Variants in ATP10B observed in about 807,000 individuals in gnomAD.
ATP10B encodes the protein phospholipid-transporting ATPase VB.
In ATP10B, 122 loss-of-function variants were observed where a neutral mutation model predicts 141.2. The observed-to-expected ratio is 0.86, with a 90% CI of 0.75 to 1.00. ATP10B has a LOEUF of 1.00. Ranked by LOEUF, ATP10B falls within the 50% of genes least tolerant of loss-of-function variation. The pLI, the probability that ATP10B is intolerant of heterozygous loss-of-function variation, is 0.00. For synonymous variants in ATP10B, 685 were observed against 692.0 expected, an observed-to-expected ratio of 0.99 and a Z score of 0.16; for missense variants, 1,876 against 1,825.3, an observed-to-expected ratio of 1.03 and a Z score of -0.51.
At chr5:160,653,026 TTATA>T (rs1206604845) in intron 7 of ATP10B, among the ~76,000 whole-genome samples, 18 of 107,322 alleles carry the variant, frequency 1.7e-4, no homozygotes, top group African/African-American at 5.2e-4. Flanking sequence ...TATTATATAT[TTATA>T]TATTTATATT....
intron 1 of ATP10B, among the ~76,000 whole-genome samples, chr5:160,826,829 C>T (rs1408377085): frequency 6.6e-6 from 1 of 152,044 alleles, no homozygotes; most frequent in Non-Finnish European, 1.5e-5. Context: ...TGAAATATGC[C>T]CTGGTCTCCT....
intron 2 of ATP10B, among the ~76,000 whole-genome samples, chr5:160,741,352 C>A (rs779100867): frequency 3.9e-5 from 6 of 152,164 alleles, no homozygotes; most frequent in Non-Finnish European, 7.4e-5. Context: ...CTATGAAGTC[C>A]AAAAGGAGGA....
At chr5:160,601,358 G>C (rs549405650) in intron 21 of ATP10B, among the ~76,000 whole-genome samples, 2 of 152,228 alleles carry the variant, frequency 1.3e-5, no homozygotes, top group South Asian at 2.1e-4. Context: ...CATCACCTTG[G>C]TCTTAATCCT....
At chr5:160,754,631 A>G (rs74602507) in intron 2 of ATP10B, among the ~76,000 whole-genome samples, 2 of 152,300 alleles carry the variant, frequency 1.3e-5, no homozygotes, top group East Asian at 3.9e-4. Context: ...AAGGCCACCA[A>G]TGTCACCAAT....
intron 24 of ATP10B, among the ~76,000 whole-genome samples, chr5:160,582,518 T>A (rs961638822): frequency 2.0e-5 from 3 of 152,244 alleles, no homozygotes; most frequent in Non-Finnish European, 4.4e-5. Context: ...CTGCTGTTAG[T>A]CTGATGGACT....
chr5:160,824,360 G>A (rs1207410018), intron 1 of ATP10B, among the ~76,000 whole-genome samples: 3 of 152,138 alleles, frequency 2.0e-5, no homozygotes, highest in African/African-American at 7.2e-5. Flanking sequence ...GCAGGTACAT[G>A]GGCATGATCA....
At chr5:160,889,627 C>A in the ATP10B span, among the ~76,000 whole-genome samples, 1 of 152,162 alleles carries the variant, frequency 6.6e-6, no homozygotes, top group South Asian at 2.1e-4. Context: ...AAGAATCTAT[C>A]CCGTGGAGCT....
chr5:160,773,579 T>C (rs1053270019), intron 2 of ATP10B, among the ~76,000 whole-genome samples: 16 of 152,220 alleles, frequency 1.1e-4, no homozygotes, highest in African/African-American at 3.9e-4. Flanking sequence ...GAGCGGCTAA[T>C]AGCTGAAGAG....
chr5:160,912,484 A>T, the ATP10B span, among the ~76,000 whole-genome samples: 1 of 150,760 alleles, frequency 6.6e-6, no homozygotes, highest in East Asian at 2.0e-4. Flanking sequence ...CTGTAGTCCC[A>T]GCTACTTGGG....
At chr5:160,920,860 C>T in the ATP10B span, among the ~76,000 whole-genome samples, 4 of 152,302 alleles carry the variant, frequency 2.6e-5, no homozygotes, top group Admixed American at 6.5e-5. Flanking sequence ...GTCAGGGGGC[C>T]TCACTTTGAG....
chr5:160,737,781 G>A (rs1220848933), intron 2 of ATP10B, among the ~76,000 whole-genome samples: 1 of 151,956 alleles, frequency 6.6e-6, no homozygotes, highest in Non-Finnish European at 1.5e-5. Flanking sequence ...AATCGTAAAT[G>A]TATATGTATC....
At chr5:160,927,626 C>T in the ATP10B span, among the ~76,000 whole-genome samples, 1 of 152,202 alleles carries the variant, frequency 6.6e-6, no homozygotes, top group African/African-American at 2.4e-5. Context: ...GTCATGATAT[C>T]TCCTGTTCCC....
chr5:160,615,809 T>G, intron 17 of ATP10B, 29 bp downstream of exon 17: 1 of 1,600,470 alleles, frequency 6.2e-7, no homozygotes, highest in Non-Finnish European at 8.6e-7. Context: ...ATTCCTTTTT[T>G]CCTATAATAA....
At chr5:160,902,311 C>T in the ATP10B span, among the ~76,000 whole-genome samples, 5 of 152,024 alleles carry the variant, frequency 3.3e-5, no homozygotes, top group East Asian at 1.9e-4. Context: ...CCAGTGGGCA[C>T]GAGGGTTGAA....
the ATP10B span, among the ~76,000 whole-genome samples, chr5:160,872,614 C>A: frequency 6.6e-6 from 1 of 152,174 alleles, no homozygotes; most frequent in Non-Finnish European, 1.5e-5. Context: ...TATCCTAGCA[C>A]CATTTGTTGA....
chr5:160,589,178 A>AT (rs1474172700), intron 24 of ATP10B, among the ~76,000 whole-genome samples: 3 of 151,862 alleles, frequency 2.0e-5, no homozygotes, highest in Admixed American at 6.6e-5. Flanking sequence ...CACCCAACTA[A>AT]TTTTTTTATT....
At chr5:160,902,577 T>C in the ATP10B span, among the ~76,000 whole-genome samples, 1 of 152,170 alleles carries the variant, frequency 6.6e-6, no homozygotes, top group Non-Finnish European at 1.5e-5. Flanking sequence ...TGAAGTCGGT[T>C]CTGAGAGAAG....
At chr5:160,637,758 G>C (rs1219431209) in intron 10 of ATP10B, among the ~76,000 whole-genome samples, 1 of 152,210 alleles carries the variant, frequency 6.6e-6, no homozygotes, top group African/African-American at 2.4e-5. Context: ...AAGAAGTATA[G>C]AGAATAAAAG....
chr5:160,572,939 T>G (rs910765907), intron 24 of ATP10B, among the ~76,000 whole-genome samples: 1 of 152,216 alleles, frequency 6.6e-6, no homozygotes, highest in Non-Finnish European at 1.5e-5. Context: ...CTCTTTCATC[T>G]TGAACACAAA....
Sources: gnomAD v4.1 joint callset for allele counts (sites outside exome capture counted in the v4.1 genomes callset) on GRCh38, gnomAD v4.1.1 for gene constraint, MANE v1.5 for transcripts, NCBI Gene and HGNC (gene_info 2026-07-23, HGNC 2026-07-21) for gene names.